The following TLL2 variants were observed in gnomAD, a reference collection of about 807,000 sequenced individuals.
TLL2 encodes tolloid like 2.
TLL2 carries 106 observed loss-of-function variants against 123.0 expected under a neutral mutation model. That is an observed-to-expected ratio of 0.86 (90% CI 0.74 to 1.01). TLL2 has a LOEUF of 1.01. TLL2 is among the 50% of genes least tolerant of loss of function. TLL2 has a pLI of 0.00. For synonymous variants in TLL2, 494 were observed against 516.8 expected (o/e 0.96, Z 0.60); for missense variants, 1,332 against 1,336.7 (o/e 1.00, Z 0.06).
rs59648783 is a variant in TLL2, at chr10:96,447,404, C to T, written c.287-1236G>A. Among the ~76,000 whole-genome samples the T allele has an allele frequency of 4.6e-3, 701 of 152,302 alleles. 7 individuals carry two copies. The highest frequency in any genetic ancestry group is 0.016 in the African/African-American group (663 of 41,558). On this transcript the variant is annotated intron_variant, in intron 2 of 20. Coordinates refer to ENST00000357947, the MANE Select transcript of TLL2 (RefSeq NM_012465.4). ...GGACACAGGCAGACAAAAGCAGAAG[C>T]GGGGTGAACAGTTAGGAGCCTTGCA... is the stretch of plus-strand genomic sequence containing the variant.
chr10:96,457,710 A>C (rs538157204), intron 2 of TLL2, among the ~76,000 whole-genome samples: 4 of 152,196 alleles, frequency 2.6e-5, no homozygotes, highest in African/African-American at 9.6e-5. Flanking sequence ...TAGGATGGGG[A>C]GATCAGACCA....
chr10:96,422,836 C>T, intron 5 of TLL2, 109 bp from the exon 6 acceptor site: 1 of 1,338,536 alleles, frequency 7.5e-7, no homozygotes, highest in South Asian at 1.3e-5. Flanking sequence ...TGTAAAAGAA[C>T]AGAATTTCAG....
chr10:96,507,904 A>G lies in TLL2; in HGVS notation c.175+5607T>C, dbSNP rs180721690. ...AAAAAGACAAACATTTAACTCCAATATTGCCCTGAAATATTTTAATTCCAT... is the reference window on the plus strand; with the variant it reads ...AAAAAGACAAACATTTAACTCCAATGTTGCCCTGAAATATTTTAATTCCAT... On this transcript the variant is annotated intron_variant, in intron 1 of 20. Coordinates refer to ENST00000357947, the MANE Select transcript of TLL2 (RefSeq NM_012465.4). 6.6e-4 allele frequency among the ~76,000 whole-genome samples: 100 copies of G among 152,328 alleles called. 1 individual carries two copies. The highest frequency in any genetic ancestry group is 1.0e-3 in the South Asian group (5 of 4,822).
In TLL2 at chr10:96,387,070, C is replaced by T. The variant is rs766207609; in HGVS notation, c.1735G>A (p.Glu579Lys). The part of the protein sequence containing the change: ...FAANFFKEVD[E>K]CSWPDHGGCE... ...CCGCCGTGATCTGGCCAGGAACACT[C>T]ATCCACCTCTGGTGGGGAAGGAAGG... is the stretch of plus-strand genomic sequence containing the variant. The change falls in exon 14 of 21, where the codon GAG becomes AAG. Residue 579 changes from glutamate (E) to lysine (K), a missense_variant. Physicochemically the swap from Glu to Lys is moderately conservative, Grantham distance 56. Coordinates refer to ENST00000357947, the MANE Select transcript of TLL2 (RefSeq NM_012465.4). 2.0e-5 allele frequency: 33 copies of T among 1,613,298 alleles called. No individual in the cohort carries two copies. The South Asian group carries it at 3.1e-4, about 15-fold the overall frequency.
intron 3 of TLL2, among the ~76,000 whole-genome samples, chr10:96,434,881 T>C (rs1210891857): frequency 1.3e-5 from 2 of 152,184 alleles, no homozygotes; most frequent in Non-Finnish European, 2.9e-5. Flanking sequence ...ATAGTCATCC[T>C]AATGGTGTGA....
At chr10:96,509,953 G>GTAAATAAA (rs35135927) in intron 1 of TLL2, among the ~76,000 whole-genome samples, 4 of 151,868 alleles carry the variant, frequency 2.6e-5, no homozygotes, top group African/African-American at 9.7e-5. Flanking sequence ...TCTCAAAAAA[G>GTAAATAAA]TAAATAAATA....
At chr10:96,423,370 T>C (rs1007222775) in intron 5 of TLL2, among the ~76,000 whole-genome samples, 3 of 152,112 alleles carry the variant, frequency 2.0e-5, no homozygotes, top group African/African-American at 7.2e-5. Context: ...CCATTTTTAA[T>C]GAAAAGGAGA....
At position 96,453,086 on chromosome 10, in the gene TLL2, C is replaced by T. The variant is rs975144368; in HGVS notation, c.287-6918G>A. Among the ~76,000 whole-genome samples the T allele has an allele frequency of 1.6e-4, 25 of 152,300 alleles. 1 individual carries two copies. Among genetic ancestry groups the T allele is most frequent in the Admixed American group, 1.6e-3 (24 of 15,290 alleles). ...GTATAATAAAATGGGAATGCTTATA[C>T]ACTCCTGGTGAAGGAGGACTATAAA... is the stretch of plus-strand genomic sequence containing the variant. On this transcript the variant is annotated intron_variant, in intron 2 of 20. Coordinates refer to ENST00000357947, the MANE Select transcript of TLL2 (RefSeq NM_012465.4).
rs1379003872 is a variant in TLL2, at chr10:96,432,940, G to A, written c.387C>T (p.Leu129=). ...CATGCAAGGTCCCAGGGCTGTGCAG[G>A]AGTGTGGTATTCTCCCGGCCATCTG... The part of the protein sequence containing the change: ...AGKDGRENTT[L]LHSPGTLHAA... The change falls in exon 4 of 21, where the codon CTC becomes CTT. Residue 129 remains leucine (L), a synonymous_variant. Transcript: ENST00000357947. 1 of 1,614,018 alleles carries A rather than the reference G, an allele frequency of 6.2e-7. No individual in the cohort carries two copies. The highest frequency in any genetic ancestry group is 1.7e-5 in the Admixed American group (1 of 60,018).
intron 17 of TLL2, among the ~76,000 whole-genome samples, chr10:96,378,703 AG>A (rs2134054087): frequency 6.6e-6 from 1 of 152,356 alleles, no homozygotes; most frequent in East Asian, 1.9e-4. Context: ...GCCAGGATTT[AG>A]ACCTAGGTAA....
At chr10:96,452,380 C>T (rs1217555854) in intron 2 of TLL2, among the ~76,000 whole-genome samples, 4 of 152,258 alleles carry the variant, frequency 2.6e-5, no homozygotes, top group South Asian at 4.1e-4. Flanking sequence ...AAGAGTCCAA[C>T]GTGGCTGGAG....
At chr10:96,399,211 C>G (rs1270699427) in intron 10 of TLL2, among the ~76,000 whole-genome samples, 2 of 152,162 alleles carry the variant, frequency 1.3e-5, no homozygotes, top group African/African-American at 4.8e-5. Context: ...TGACACAACT[C>G]TGAGCATGCT....
At chr10:96,395,464 ACT>A (rs1205436481) in intron 12 of TLL2, 82 bp from the exon 13 acceptor site, 1 of 1,404,094 alleles carries the variant, frequency 7.1e-7, no homozygotes, top group Non-Finnish European at 9.5e-7. Context: ...CCCAAATATC[ACT>A]CTCAAAATCT....
intron 2 of TLL2, among the ~76,000 whole-genome samples, chr10:96,470,037 T>G (rs1405567361): frequency 6.6e-6 from 1 of 152,012 alleles, no homozygotes; most frequent in African/African-American, 2.4e-5. Flanking sequence ...AAAGAAAGAC[T>G]GAAAGTCCAC....
chr10:96,468,367 G>T (rs1201806726), intron 2 of TLL2, among the ~76,000 whole-genome samples: 1 of 152,176 alleles, frequency 6.6e-6, no homozygotes. Context: ...CAGCAGGCTG[G>T]CCATGAGGGG....
chr10:96,409,475 AC>A (rs1846481009), intron 9 of TLL2, among the ~76,000 whole-genome samples: 1 of 152,234 alleles, frequency 6.6e-6, no homozygotes, highest in Admixed American at 6.5e-5. Flanking sequence ...ATTTGTAGAG[AC>A]ATGTAGCAAA....
intron 2 of TLL2, among the ~76,000 whole-genome samples, chr10:96,448,631 G>A (rs1298465790): frequency 2.0e-5 from 3 of 152,162 alleles, no homozygotes; most frequent in African/African-American, 7.2e-5. Context: ...ATATTCTGAT[G>A]AAGGGTAGGG....
rs1427697430 is a variant in TLL2 at position 96,450,049 on chromosome 10, T to C, written c.287-3881A>G. 3.3e-5 allele frequency among the ~76,000 whole-genome samples: 5 copies of C among 152,208 alleles called. 1 individual carries two copies. In the South Asian group the frequency reaches 6.2e-4, roughly 19 times the overall value. On this transcript the variant is annotated intron_variant, in intron 2 of 20. Transcript: ENST00000357947. ...CATCTTGAAGGAAGGGATTTTGTTA[T>C]GTCTAACAATGAATACCCAGCACCA...
chr10:96,376,945 T>C, intron 17 of TLL2, 126 bp from the exon 18 acceptor site: 2 of 880,352 alleles, frequency 2.3e-6, no homozygotes, highest in Non-Finnish European at 3.2e-6. Flanking sequence ...AATATGGGGG[T>C]GGGGTATCCT....
Sources: gnomAD v4.1 joint callset for allele counts (sites outside exome capture counted in the v4.1 genomes callset) on GRCh38, gnomAD v4.1.1 for gene constraint, MANE v1.5 for transcripts, NCBI Gene and HGNC (gene_info 2026-07-23, HGNC 2026-07-21) for gene names.